ITFG1: variants seen among roughly 807,000 people sequenced by gnomAD.
The protein encoded by ITFG1 is T-cell immunomodulatory protein.
Under a neutral mutation model 81.8 loss-of-function variants are expected in ITFG1, and 34 were observed. The observed-to-expected ratio is 0.42, with a 90% CI of 0.32 to 0.55. ITFG1 has a LOEUF of 0.55. ITFG1 is among the 20% of genes least tolerant of loss of function. ITFG1 has a pLI of 0.17. For synonymous variants in ITFG1, 285 were observed against 270.6 expected (o/e 1.05, Z -0.52); for missense variants, 672 against 755.4 (o/e 0.89, Z 1.29).
At chr16:47,204,221 T>C (rs911689196) in intron 14 of ITFG1, among the ~76,000 whole-genome samples, 2 of 152,326 alleles carry the variant, frequency 1.3e-5, no homozygotes, top group Non-Finnish European at 2.9e-5. Flanking sequence ...CCACTTGTTA[T>C]AGCTAAATTT....
intron 8 of ITFG1, among the ~76,000 whole-genome samples, chr16:47,343,978 A>G (rs1156996028): frequency 6.6e-6 from 1 of 152,200 alleles, no homozygotes; most frequent in Non-Finnish European, 1.5e-5. Flanking sequence ...TACCAGACAG[A>G]ACACGGATGA....
rs189298473 is a variant in ITFG1, at chr16:47,442,917, A to G, written c.560+8479T>C. Among the ~76,000 whole-genome samples the G allele has an allele frequency of 1.7e-3, 255 of 152,356 alleles. 2 individuals carry two copies. The highest frequency in any genetic ancestry group is 2.5e-3 in the Non-Finnish European group (167 of 68,036). Reference sequence around the variant, plus strand: ...TTGATAAATGGGATCTAATTAAACTAAAGAGCTTCTGCACAGCAAAAGAAA... The same window carrying G: ...TTGATAAATGGGATCTAATTAAACTGAAGAGCTTCTGCACAGCAAAAGAAA... On this transcript the variant is annotated intron_variant, in intron 5 of 17. Coordinates refer to ENST00000320640, the MANE Select transcript of ITFG1 (RefSeq NM_030790.5).
At chr16:47,267,357 G>A (rs1394909427) in intron 10 of ITFG1, among the ~76,000 whole-genome samples, 1 of 152,130 alleles carries the variant, frequency 6.6e-6, no homozygotes, top group Non-Finnish European at 1.5e-5. Context: ...GTCAGTTCTA[G>A]AGAACATAAG....
At chr16:47,242,198 A>G (rs1245100194) in intron 12 of ITFG1, among the ~76,000 whole-genome samples, 3 of 152,158 alleles carry the variant, frequency 2.0e-5, no homozygotes, top group African/African-American at 7.2e-5. Flanking sequence ...AAGGGGGTGA[A>G]CTTTTTGTAA....
At chr16:47,303,000 G>A (rs918226578) in intron 10 of ITFG1, among the ~76,000 whole-genome samples, 3 of 152,186 alleles carry the variant, frequency 2.0e-5, no homozygotes, top group African/African-American at 4.8e-5. Context: ...GGCTGGGGGC[G>A]GTAGCTCACG....
chr16:47,460,101 G>A (rs1969508640), intron 1 of ITFG1, among the ~76,000 whole-genome samples: 1 of 152,204 alleles, frequency 6.6e-6, no homozygotes, highest in African/African-American at 2.4e-5. Flanking sequence ...GAATTTCCAA[G>A]AACAAGTTAG....
At chr16:47,206,841 T>C (rs1415352783) in intron 14 of ITFG1, among the ~76,000 whole-genome samples, 1 of 152,178 alleles carries the variant, frequency 6.6e-6, no homozygotes, top group African/African-American at 2.4e-5. Context: ...CCTGAATGCT[T>C]CCTATACTTC....
chr16:47,234,466 G>A (rs1965851332), intron 13 of ITFG1, among the ~76,000 whole-genome samples: 2 of 152,246 alleles, frequency 1.3e-5, no homozygotes, highest in South Asian at 4.1e-4. Flanking sequence ...AGAAGAAAGA[G>A]AGAAAGGCAA....
intron 3 of ITFG1, among the ~76,000 whole-genome samples, chr16:47,453,036 T>C (rs1338273908): frequency 6.6e-6 from 1 of 152,168 alleles, no homozygotes; most frequent in Non-Finnish European, 1.5e-5. Context: ...GAGGTATGCA[T>C]CTAAATATTT....
chr16:47,459,603 T>C (rs1033829490), intron 1 of ITFG1, among the ~76,000 whole-genome samples: 2 of 152,220 alleles, frequency 1.3e-5, no homozygotes, highest in Admixed American at 6.5e-5. Flanking sequence ...GGGACTCCCA[T>C]TGTAGATATC....
chr16:47,432,739 T>A (rs1044811759), intron 5 of ITFG1, among the ~76,000 whole-genome samples: 5 of 152,256 alleles, frequency 3.3e-5, no homozygotes, highest in Admixed American at 3.3e-4. Context: ...TTTCACCATA[T>A]ACAAGGTTAG....
At chr16:47,258,859 T>A in intron 11 of ITFG1, 119 bp from the exon 12 acceptor site, 1 of 496,726 alleles carries the variant, frequency 2.0e-6, no homozygotes, top group Non-Finnish European at 3.5e-6. Context: ...TTATTCATCC[T>A]CATGTTTAAA....
intron 13 of ITFG1, among the ~76,000 whole-genome samples, chr16:47,234,756 G>A (rs1487362923): frequency 6.6e-6 from 1 of 152,178 alleles, no homozygotes; most frequent in African/African-American, 2.4e-5. Flanking sequence ...ATGAATTAGG[G>A]TGATATGGTT....
In ITFG1 at chr16:47,162,645, G is replaced by T; in HGVS notation, c.1473C>A (p.Ser491=). ...ATGGTAGTTGGAGAGCTAAATGTGC[G>T]GATTGGCTGAGTTGGCCAGCTAGAG... ...KNGSAGQLSQ[S]AHLALQLPYN... is the part of the protein sequence containing the mutation. Residue 491 remains serine, a synonymous_variant, in exon 15 of 18, where the codon TCC becomes TCA. Transcript: ENST00000320640. 1 of 1,601,272 alleles carries T rather than the reference G, an allele frequency of 6.2e-7. No individual in the cohort carries two copies. Among genetic ancestry groups the T allele is most frequent in the South Asian group, 1.1e-5 (1 of 87,996 alleles).
chr16:47,423,342 C>T (rs1218692031), intron 6 of ITFG1, among the ~76,000 whole-genome samples: 2 of 150,694 alleles, frequency 1.3e-5, no homozygotes, highest in East Asian at 3.9e-4. Flanking sequence ...GCCCATGAGA[C>T]AGGTCTCCTG....
At chr16:47,441,570 G>C (rs1969251049) in intron 5 of ITFG1, among the ~76,000 whole-genome samples, 1 of 152,072 alleles carries the variant, frequency 6.6e-6, no homozygotes, top group African/African-American at 2.4e-5. Context: ...CAGAACCAAA[G>C]ACAAAAACCA....
At chr16:47,157,546 G>C (rs1004632415) in intron 17 of ITFG1, 1 of 152,126 alleles carries the variant, frequency 6.6e-6, no homozygotes, top group African/African-American at 2.4e-5. Flanking sequence ...CATTTCCTTT[G>C]CTTCACAGGT....
intron 1 of ITFG1, among the ~76,000 whole-genome samples, chr16:47,460,239 T>C (rs1969511777): frequency 6.6e-6 from 1 of 152,204 alleles, no homozygotes; most frequent in African/African-American, 2.4e-5. Flanking sequence ...GCATTGGGTT[T>C]ATCAGTGGTC....
chr16:47,155,725 A>G lies in ITFG1; in HGVS notation c.1833T>C (p.Ala611=), dbSNP rs1368060701. The change falls in exon 18 of 18, where the codon GCT becomes GCC. Residue 611 remains alanine (A), a synonymous_variant. Transcript: ENST00000320640. Reference sequence around the variant, plus strand: ...ATGTAATATTAAAGGCAAGTCACATAGCATCAAAATGAAACCGGTGGGCTT... The same window carrying G: ...ATGTAATATTAAAGGCAAGTCACATGGCATCAAAATGAAACCGGTGGGCTT... ...RQEAHRFHFD[A]M 2 of 1,606,916 alleles carry G rather than the reference A, an allele frequency of 1.2e-6. No individual in the cohort carries two copies. The highest frequency in any genetic ancestry group is 2.2e-5 in the East Asian group (1 of 44,546).
Sources: gnomAD v4.1 joint callset for allele counts (sites outside exome capture counted in the v4.1 genomes callset) on GRCh38, gnomAD v4.1.1 for gene constraint, MANE v1.5 for transcripts, NCBI Gene and HGNC (gene_info 2026-07-23, HGNC 2026-07-21) for gene names.